CTXN3: variants seen among roughly 807,000 people sequenced by gnomAD.
CTXN3 encodes the protein cortexin-3.
A neutral mutation model predicts 5.0 loss-of-function variants in CTXN3; 4 were observed. The ratio of observed to expected loss-of-function variants is 0.79; its 90% CI spans 0.39 to 1.82. CTXN3 has a LOEUF of 1.82. Among genes scored for constraint, CTXN3 ranks in the 40% most tolerant of loss-of-function variants. CTXN3 has a pLI of 0.04. For missense variants in CTXN3, 89 were observed against 99.7 expected, an observed-to-expected ratio of 0.89 and a Z score of 0.46; for synonymous variants, 48 against 38.6, an observed-to-expected ratio of 1.24 and a Z score of -0.91.
At chr5:127,650,299 C>G (rs142496304) in intron 1 of CTXN3, among the ~76,000 whole-genome samples, 74 of 152,282 alleles carry the variant, frequency 4.9e-4, no homozygotes, top group African/African-American at 1.7e-3. Flanking sequence ...AGTTCTGAAA[C>G]TGCCTGTTGA....
chr5:127,655,496 G>A (rs1749887316), intron 2 of CTXN3, among the ~76,000 whole-genome samples: 1 of 152,190 alleles, frequency 6.6e-6, no homozygotes, highest in Admixed American at 6.5e-5. Flanking sequence ...TCATCAGCGG[G>A]CTTTCCTTTG....
Position 127,656,122 on chromosome 5 carries a change from G to A in CTXN3, c.-99-1301G>A, listed in dbSNP as rs147711138. Among the ~76,000 whole-genome samples the A allele has an allele frequency of 5.3e-4, 81 of 152,072 alleles. 1 individual carries two copies. The highest frequency in any genetic ancestry group is 2.7e-3 in the East Asian group (14 of 5,176). Reference sequence around the variant, plus strand: ...ATTGAGCAAAATTTATTTTGTGTCCGTGTTAATTTCCGTAGCTAATTACTG... The same window carrying A: ...ATTGAGCAAAATTTATTTTGTGTCCATGTTAATTTCCGTAGCTAATTACTG... On this transcript the variant is annotated intron_variant, in intron 2 of 2. Transcript: ENST00000379445.
chr5:127,657,847 A>C lies in CTXN3; in HGVS notation c.*80A>C. Reference sequence around the variant, plus strand: ...AGGATTCCCTTTATTTAGTGTTCTCAACAAATCAAATTTAAACAATATTTG... The same window carrying C: ...AGGATTCCCTTTATTTAGTGTTCTCCACAAATCAAATTTAAACAATATTTG... On this transcript the variant is annotated 3_prime_UTR_variant, in exon 3 of 3. Transcript: ENST00000379445. The C allele has an allele frequency of 5.9e-6, 9 of 1,518,440 alleles. No homozygotes were observed. The highest frequency in any genetic ancestry group is 7.2e-6 in the Non-Finnish European group (8 of 1,114,408). The allele number at this position is 1,518,440 out of a possible 1,614,324, so 94.1% of individuals were successfully genotyped here. A position where few individuals can be genotyped will look rare whatever the true frequency, so the allele number is the denominator to read the frequency against.
chr5:127,657,327 C>A, intron 2 of CTXN3, 96 bp from the exon 3 acceptor site: 1 of 587,412 alleles, frequency 1.7e-6, no homozygotes, highest in Non-Finnish European at 3.0e-6. Context: ...AGCTGGTTTA[C>A]AGATTTCTTT....
chr5:127,649,180 A>T lies in CTXN3; in HGVS notation c.-415A>T, dbSNP rs540777787. The T allele has an allele frequency of 1.3e-5, 2 of 152,196 alleles. No homozygotes were observed. The highest frequency in any genetic ancestry group is 2.9e-5 in the Non-Finnish European group (2 of 68,052). 9.4% of individuals were successfully genotyped at this position (152,196 alleles called of 1,614,324 possible). Reference sequence around the variant, plus strand: ...TAATGATGCCTCACACAGAAAGACGATGCTCCTTTAACTCGGGGTTTTAAT... The same window carrying T: ...TAATGATGCCTCACACAGAAAGACGTTGCTCCTTTAACTCGGGGTTTTAAT... On this transcript the variant is annotated 5_prime_UTR_variant, in exon 1 of 3. It removes an upstream start codon present in the reference 5' UTR. Transcript: ENST00000379445.
intron 2 of CTXN3, among the ~76,000 whole-genome samples, chr5:127,654,730 A>G (rs189806757): frequency 5.3e-5 from 8 of 152,226 alleles, no homozygotes; most frequent in Admixed American, 1.3e-4. Context: ...TGGGGTCACA[A>G]TGTTGCTCAT....
chr5:127,651,480 T>C (rs1474950100), intron 1 of CTXN3, among the ~76,000 whole-genome samples: 1 of 152,114 alleles, frequency 6.6e-6, no homozygotes, highest in Non-Finnish European at 1.5e-5. Context: ...GTTGGGGTGG[T>C]AGGGGGTGGT....
At position 127,649,158 on chromosome 5, in the gene CTXN3, T is replaced by C. The variant is rs1474801568; in HGVS notation, c.-437T>C. 3 of 152,176 alleles carry C rather than the reference T, an allele frequency of 2.0e-5. No individual in the cohort carries two copies. Among genetic ancestry groups the C allele is most frequent in the Admixed American group, 6.5e-5 (1 of 15,274 alleles). 9.4% of individuals were successfully genotyped at this position (152,176 alleles called of 1,614,324 possible). On this transcript the variant is annotated 5_prime_UTR_variant, in exon 1 of 3. An upstream start codon of the reference 5' UTR is lost. Coordinates refer to ENST00000379445, the MANE Select transcript of CTXN3 (RefSeq NM_001048252.3). ...AAGAAGCAGCAGTATTGGCCGTTAA[T>C]GATGCCTCACACAGAAAGACGATGC...
In CTXN3 at chr5:127,657,415, C is replaced by G; in HGVS notation, c.-99-8C>G. ...TAGGTATTCCTTTCCCTTCCTTTTT[C>G]CCTGCAGATAACTCAGCCTCTCCAG... On this transcript the variant is annotated splice_polypyrimidine_tract_variant and splice_region_variant and intron_variant, in intron 2 of 2. Coordinates refer to ENST00000379445, the MANE Select transcript of CTXN3 (RefSeq NM_001048252.3). 3 of 1,278,502 alleles carry G rather than the reference C, an allele frequency of 2.3e-6. No homozygotes were observed. Among genetic ancestry groups the G allele is most frequent in the Non-Finnish European group, 3.3e-6 (3 of 920,820 alleles). 79.2% of individuals were successfully genotyped at this position (1,278,502 alleles called of 1,614,324 possible).
rs533768755 is a variant in CTXN3, at chr5:127,657,416, C to G, written c.-99-7C>G. 1 of 1,298,444 alleles carries G rather than the reference C, an allele frequency of 7.7e-7. No individual in the cohort carries two copies. The highest frequency in any genetic ancestry group is 1.1e-6 in the Non-Finnish European group (1 of 938,766). 80.4% of individuals were successfully genotyped at this position (1,298,444 alleles called of 1,614,324 possible). ...AGGTATTCCTTTCCCTTCCTTTTTC[C>G]CTGCAGATAACTCAGCCTCTCCAGA... On this transcript the variant is annotated splice_polypyrimidine_tract_variant and splice_region_variant and intron_variant, in intron 2 of 2. Transcript: ENST00000379445.
chr5:127,654,500 G>A (rs1009310061), intron 2 of CTXN3, among the ~76,000 whole-genome samples: 1 of 152,300 alleles, frequency 6.6e-6, no homozygotes, highest in East Asian at 1.9e-4. Context: ...TTCCTAGGGT[G>A]ACTGAAGAGG....
intron 1 of CTXN3, among the ~76,000 whole-genome samples, chr5:127,651,359 T>C (rs1749782819): frequency 6.6e-6 from 1 of 152,078 alleles, no homozygotes; most frequent in Non-Finnish European, 1.5e-5. Flanking sequence ...ATATTTAAAA[T>C]ACAGACAGCA....
intron 1 of CTXN3, among the ~76,000 whole-genome samples, chr5:127,649,834 C>T (rs554785634): frequency 2.6e-5 from 4 of 152,086 alleles, no homozygotes; most frequent in African/African-American, 9.7e-5. Context: ...GGCTGATAAG[C>T]TGTGTGCAGC....
chr5:127,658,141 C>G lies in CTXN3; in HGVS notation c.*374C>G, dbSNP rs908058923. 1.3e-5 allele frequency: 3 copies of G among 231,816 alleles called. No homozygotes were observed. In the Admixed American group the frequency reaches 1.6e-4, roughly 12 times the overall value. 14.4% of individuals were successfully genotyped at this position (231,816 alleles called of 1,614,324 possible). On this transcript the variant is annotated 3_prime_UTR_variant, in exon 3 of 3. Transcript: ENST00000379445. ...TCTCATATGAATCTGGTGACAAGGC[C>G]AGGAAGAGATTTCCTTGCTCTAATT...
chr5:127,653,730 C>T (rs1393003604), intron 2 of CTXN3: 1 of 152,192 alleles, frequency 6.6e-6, no homozygotes, highest in Non-Finnish European at 1.5e-5. Context: ...ATAGCTGATG[C>T]TTCCTTCAAC....
intron 1 of CTXN3, among the ~76,000 whole-genome samples, chr5:127,649,960 C>T (rs1229610532): frequency 2.6e-5 from 4 of 152,110 alleles, no homozygotes; most frequent in Admixed American, 6.6e-5. Context: ...AGTTCCAGTT[C>T]GTTAAGGGTG....
chr5:127,657,366 TA>T (rs2126744065), intron 2 of CTXN3, 56 bp from the exon 3 acceptor site: 8 of 784,886 alleles, frequency 1.0e-5, no homozygotes, highest in African/African-American at 1.7e-5. Context: ...ACTGTGAACC[TA>T]AAAAAATAAG....
chr5:127,654,473 T>A (rs1231788164), intron 2 of CTXN3, among the ~76,000 whole-genome samples: 1 of 152,212 alleles, frequency 6.6e-6, no homozygotes, highest in Non-Finnish European at 1.5e-5. Context: ...TCGTGCAGAA[T>A]CTGAGTCCCA....
intron 2 of CTXN3, among the ~76,000 whole-genome samples, chr5:127,654,923 C>T (rs2126742414): frequency 6.6e-6 from 1 of 152,258 alleles, no homozygotes; most frequent in Middle Eastern, 3.4e-3. Flanking sequence ...ATGGTCTTTT[C>T]TCTTCTTATA....
Sources: allele counts gnomAD v4.1 joint callset (sites outside exome capture counted in the v4.1 genomes callset), GRCh38; gene constraint gnomAD v4.1.1; transcripts MANE v1.5; gene names NCBI Gene and HGNC (gene_info 2026-07-23, HGNC 2026-07-21).